The following PTPRT variants were observed in gnomAD, a reference collection of about 807,000 sequenced individuals.
PTPRT encodes the protein receptor-type tyrosine-protein phosphatase T.
PTPRT carries 56 observed loss-of-function variants against 176.8 expected under a neutral mutation model. The ratio of observed to expected loss-of-function variants is 0.32; its 90% CI spans 0.26 to 0.40. The LOEUF is 0.40. PTPRT is among the 10% of genes least tolerant of loss of function. The pLI is 1.00. For synonymous variants in PTPRT, 783 were observed against 739.0 expected (o/e 1.06, Z -0.96); for missense variants, 1,540 against 1,908.2 (o/e 0.81, Z 3.60).
rs139830176 is a variant in PTPRT, at chr20:42,432,997, T to G, written c.1560+15223A>C. Among the ~76,000 whole-genome samples the G allele has an allele frequency of 2.3e-3, 343 of 152,322 alleles. 1 individual carries two copies. Among genetic ancestry groups the G allele is most frequent in the African/African-American group, 7.9e-3 (329 of 41,580 alleles). On this transcript the variant is annotated intron_variant, in intron 9 of 30. Coordinates refer to ENST00000373187, the MANE Select transcript of PTPRT (RefSeq NM_007050.6). ...CAGAATAAACCTTTTTAAAAGATTT[T>G]GCAAAGTTTGGCTTTTCTGTTAACA... is the stretch of plus-strand genomic sequence containing the variant.
rs772652749 is a variant in PTPRT at position 42,189,112 on chromosome 20, AC to A, written c.2491+10127del. Reference sequence around the variant, plus strand: ...AGTCCTTTCCAAGGAGGCTCCAGCTACCATTCCAGCTTCGTCTCTGGCCATA... The same window carrying A: ...AGTCCTTTCCAAGGAGGCTCCAGCTACATTCCAGCTTCGTCTCTGGCCATA... On this transcript the variant is annotated intron_variant, in intron 16 of 30. Transcript: ENST00000373187. Among the ~76,000 whole-genome samples, 250 of 152,286 alleles carry A rather than the reference AC, an allele frequency of 1.6e-3. 3 individuals are homozygous for A. The highest frequency in any genetic ancestry group is 6.8e-3 in the Middle Eastern group (2 of 294).
intron 13 of PTPRT, among the ~76,000 whole-genome samples, chr20:42,263,677 C>A (rs1456021883): frequency 6.8e-6 from 1 of 146,358 alleles, no homozygotes; most frequent in Non-Finnish European, 1.5e-5. Flanking sequence ...CTGCGCCGGG[C>A]CTTTTTTTTT....
intron 6 of PTPRT, among the ~76,000 whole-genome samples, chr20:42,746,784 A>C (rs1354609513): frequency 6.6e-6 from 1 of 152,142 alleles, no homozygotes; most frequent in African/African-American, 2.4e-5. Flanking sequence ...GTTCCAGGAA[A>C]GTCAAGATCA....
At chr20:43,045,253 C>T (rs1488610871) in intron 1 of PTPRT, among the ~76,000 whole-genome samples, 1 of 152,154 alleles carries the variant, frequency 6.6e-6, no homozygotes, top group African/African-American at 2.4e-5. Flanking sequence ...TTCCATAATA[C>T]CTCTTCTCCC....
intron 9 of PTPRT, among the ~76,000 whole-genome samples, chr20:42,362,174 G>A (rs1304266690): frequency 6.6e-6 from 1 of 152,146 alleles, no homozygotes; most frequent in Non-Finnish European, 1.5e-5. Context: ...GCTGAGGCTG[G>A]GAGGATTGCG....
Position 42,633,909 on chromosome 20 carries a change from T to G in PTPRT, c.1153+43957A>C, listed in dbSNP as rs2074485581. The stretch of plus-strand genomic sequence containing the variant: ...TATAATTATTATATATAATATAATA[T>G]ATAATTATATATAATATATTATAAT... On this transcript the variant is annotated intron_variant, in intron 7 of 30. Coordinates refer to ENST00000373187, the MANE Select transcript of PTPRT (RefSeq NM_007050.6). Among the ~76,000 whole-genome samples the G allele has an allele frequency of 4.1e-5, 3 of 73,472 alleles. No homozygotes were observed. The South Asian group carries it at 9.8e-4, about 24-fold the overall frequency. The allele number at this position is 73,472 out of a possible 152,430, so 48.2% of individuals were successfully genotyped here.
At chr20:42,624,658 G>A (rs969694003) in intron 7 of PTPRT, among the ~76,000 whole-genome samples, 12 of 152,154 alleles carry the variant, frequency 7.9e-5, no homozygotes, top group Admixed American at 2.0e-4. Context: ...AAGGAGAAAC[G>A]CCAGGCATGT....
At chr20:43,176,844 G>A (rs550938860) in intron 1 of PTPRT, among the ~76,000 whole-genome samples, 2 of 152,174 alleles carry the variant, frequency 1.3e-5, no homozygotes, top group East Asian at 3.9e-4. Flanking sequence ...GATATAGAAG[G>A]GAAGCTGCAT....
intron 6 of PTPRT, among the ~76,000 whole-genome samples, chr20:42,696,608 A>G (rs3091943): frequency 0.019 from 2,886 of 151,858 alleles, 104 homozygotes; most frequent in African/African-American, 0.067. Flanking sequence ...GGCACCTGCT[A>G]CCACACCCGG....
chr20:42,655,014 A>G (rs751451150), intron 7 of PTPRT, among the ~76,000 whole-genome samples: 31 of 152,278 alleles, frequency 2.0e-4, no homozygotes, highest in Non-Finnish European at 2.4e-4. Context: ...AATGGATCCA[A>G]TCATATCATG....
chr20:43,094,087 CTTTCT>C (rs1169646705), intron 1 of PTPRT, among the ~76,000 whole-genome samples: 90 of 136,300 alleles, frequency 6.6e-4, no homozygotes, highest in South Asian at 1.9e-3. Flanking sequence ...TTCTTTCTTT[CTTTCT>C]TTTTTTTTTT....
At chr20:42,765,675 T>C (rs1332862157) in intron 5 of PTPRT, among the ~76,000 whole-genome samples, 2 of 151,838 alleles carry the variant, frequency 1.3e-5, no homozygotes, top group Non-Finnish European at 2.9e-5. Context: ...TCTATGTATA[T>C]ACATATGTAT....
rs1040960592 is a variant in PTPRT at position 43,189,747 on chromosome 20, G to A, written c.-14C>T. 24 of 1,220,740 alleles carry A rather than the reference G, an allele frequency of 2.0e-5. No individual in the cohort carries two copies. In the African/African-American group the frequency reaches 3.7e-4, roughly 19 times the overall value. The allele number at this position is 1,220,740 out of a possible 1,614,324, so 75.6% of individuals were successfully genotyped here. A position where few individuals can be genotyped will look rare whatever the true frequency, so the allele number is the denominator to read the frequency against. On this transcript the variant is annotated 5_prime_UTR_variant, in exon 1 of 31. Transcript: ENST00000373187. The surrounding 1 kb of genome is among the most constrained non-coding windows in gnomAD (Gnocchi z 5.0). The stretch of plus-strand genomic sequence containing the variant: ...GAGGCTCGCCATCCGGGCGGCGGCG[G>A]GCAGCTCAGCCCCTTCCCGCGGGGG...
intron 1 of PTPRT, among the ~76,000 whole-genome samples, chr20:42,911,424 A>G (rs1448820150): frequency 1.3e-5 from 2 of 152,176 alleles, no homozygotes; most frequent in African/African-American, 4.8e-5. Context: ...TTAACAAGCC[A>G]TAACTATTGA....
chr20:42,512,948 C>T (rs1044272336), intron 7 of PTPRT, among the ~76,000 whole-genome samples: 1 of 152,154 alleles, frequency 6.6e-6, no homozygotes, highest in Non-Finnish European at 1.5e-5. Context: ...CAACCTCCGC[C>T]TCCTGGGTTC....
intron 2 of PTPRT, among the ~76,000 whole-genome samples, chr20:42,809,585 G>A (rs908039167): frequency 7.2e-5 from 11 of 152,198 alleles, no homozygotes; most frequent in African/African-American, 2.7e-4. Flanking sequence ...GAGGCCAGAA[G>A]TCTGAAATCA....
chr20:42,058,638 A>C, the PTPRT span, among the ~76,000 whole-genome samples: 1 of 152,190 alleles, frequency 6.6e-6, no homozygotes, highest in African/African-American at 2.4e-5. Context: ...GAATTTGCTA[A>C]TTAAAATGAA....
intron 9 of PTPRT, among the ~76,000 whole-genome samples, chr20:42,367,143 T>G (rs1036943655): frequency 6.6e-6 from 1 of 152,212 alleles, no homozygotes; most frequent in African/African-American, 2.4e-5. Flanking sequence ...AATGTGAACT[T>G]GATCTTGGGT....
At chr20:42,141,221 C>T (rs1368574813) in intron 18 of PTPRT, among the ~76,000 whole-genome samples, 1 of 152,186 alleles carries the variant, frequency 6.6e-6, no homozygotes, top group Non-Finnish European at 1.5e-5. Flanking sequence ...GAGCCCCTGC[C>T]CTACTATAGT....
Sources: allele counts gnomAD v4.1 joint callset (sites outside exome capture counted in the v4.1 genomes callset), GRCh38; gene constraint gnomAD v4.1.1; non-coding constraint Gnocchi (gnomAD v3.1); transcripts MANE v1.5; gene names NCBI Gene and HGNC (gene_info 2026-07-23, HGNC 2026-07-21).